The following RIGI variants were observed in gnomAD, a reference collection of about 807,000 sequenced individuals.
RIGI encodes antiviral innate immune response receptor RIG-I.
the RIGI span, among the ~76,000 whole-genome samples, chr9:32,471,671 T>C: frequency 3.3e-5 from 5 of 152,172 alleles, no homozygotes; most frequent in Non-Finnish European, 5.9e-5. Context: ...GCACAAGTTA[T>C]AAATAAATGT....
At chr9:32,467,127 T>G in the RIGI span, among the ~76,000 whole-genome samples, 1 of 152,042 alleles carries the variant, frequency 6.6e-6, no homozygotes, top group African/African-American at 2.4e-5. Flanking sequence ...ATCTGAGCAG[T>G]TCCGTCAACA....
the RIGI span, chr9:32,481,255 A>G: frequency 1.5e-6 from 2 of 1,365,750 alleles, no homozygotes; most frequent in East Asian, 2.3e-5. Flanking sequence ...GGACAGGATG[A>G]GAAGTTGATG....
chr9:32,467,674 C>G, the RIGI span: 22 of 1,328,152 alleles, frequency 1.7e-5, no homozygotes, highest in Non-Finnish European at 2.0e-5. Flanking sequence ...AACCATGGCT[C>G]AGTAAAGAGA....
chr9:32,477,538 G>A, the RIGI span, among the ~76,000 whole-genome samples: 1 of 152,068 alleles, frequency 6.6e-6, no homozygotes, highest in Non-Finnish European at 1.5e-5. Flanking sequence ...AATTAATAAG[G>A]GAGCTATGTA....
At chr9:32,462,806 C>T in the RIGI span, among the ~76,000 whole-genome samples, 2 of 152,222 alleles carry the variant, frequency 1.3e-5, no homozygotes, top group South Asian at 2.1e-4. Flanking sequence ...ATGTAGCTGG[C>T]GCAATAGGCG....
the RIGI span, among the ~76,000 whole-genome samples, chr9:32,486,181 G>C: frequency 6.6e-5 from 10 of 152,096 alleles, no homozygotes; most frequent in African/African-American, 9.7e-5. Context: ...GCCGGGTGTG[G>C]TGGCTCACAC....
the RIGI span, among the ~76,000 whole-genome samples, chr9:32,465,538 A>C: frequency 6.6e-6 from 1 of 152,168 alleles, no homozygotes; most frequent in Non-Finnish European, 1.5e-5. Context: ...CATACATCTC[A>C]TTTATCCTCA....
At chr9:32,474,728 G>A in the RIGI span, among the ~76,000 whole-genome samples, 12 of 152,084 alleles carry the variant, frequency 7.9e-5, no homozygotes, top group African/African-American at 2.9e-4. Flanking sequence ...ATCTTCAGCC[G>A]GAAACACCCA....
the RIGI span, chr9:32,491,507 T>A: frequency 1.9e-6 from 2 of 1,034,288 alleles, no homozygotes; most frequent in South Asian, 1.7e-5. Context: ...GTCATAACAC[T>A]AAGATTTTTA....
At chr9:32,457,456 C>T in the RIGI span, 35 of 1,487,698 alleles carry the variant, frequency 2.4e-5, no homozygotes, top group African/African-American at 3.1e-4. Flanking sequence ...CAAAAGAGAA[C>T]GTTAGAACCA....
At chr9:32,457,331 CAAAACTTG>C in the RIGI span, 2 of 1,613,998 alleles carry the variant, frequency 1.2e-6, no homozygotes. Flanking sequence ...GCTCTTTTTT[CAAAACTTG>C]AAAACTGCTT....
chr9:32,466,411 A>G, the RIGI span: 2 of 1,613,100 alleles, frequency 1.2e-6, no homozygotes, highest in Non-Finnish European at 1.7e-6. Flanking sequence ...AGTCAGAAGG[A>G]AGCACTTGCT....
chr9:32,461,005 A>G, the RIGI span, among the ~76,000 whole-genome samples: 6 of 151,474 alleles, frequency 4.0e-5, no homozygotes, highest in Middle Eastern at 3.4e-3. Flanking sequence ...TTATAATTAA[A>G]TTTATGAAAA....
the RIGI span, among the ~76,000 whole-genome samples, chr9:32,484,433 A>C: frequency 6.6e-6 from 1 of 152,172 alleles, no homozygotes; most frequent in Non-Finnish European, 1.5e-5. Context: ...TCAAAACTCA[A>C]AACCTTGTAC....
At chr9:32,479,626 C>T in the RIGI span, among the ~76,000 whole-genome samples, 1 of 152,000 alleles carries the variant, frequency 6.6e-6, no homozygotes, top group Non-Finnish European at 1.5e-5. Flanking sequence ...CACTTGAGGT[C>T]AGGAGTTTGA....
At chr9:32,470,485 C>A in the RIGI span, among the ~76,000 whole-genome samples, 24,436 of 152,164 alleles carry the variant, frequency 0.16, 2,223 homozygotes, top group African/African-American at 0.25. Flanking sequence ...ATTGCACAAA[C>A]CTTTCACATG....
At chr9:32,485,429 G>C in the RIGI span, 1 of 654,134 alleles carries the variant, frequency 1.5e-6, no homozygotes, top group Admixed American at 2.7e-5. Flanking sequence ...TAACTGGCAG[G>C]TGGTCCAGAT....
At chr9:32,458,869 C>T in the RIGI span, among the ~76,000 whole-genome samples, 4 of 150,568 alleles carry the variant, frequency 2.7e-5, no homozygotes, top group Non-Finnish European at 5.9e-5. Flanking sequence ...ATCCAGGACA[C>T]GTCATTGCAT....
the RIGI span, among the ~76,000 whole-genome samples, chr9:32,473,575 G>A: frequency 6.6e-5 from 10 of 151,908 alleles, no homozygotes; most frequent in East Asian, 3.9e-4. Context: ...ATGAGCCACC[G>A]CACCTGGCCA....
Sources: allele counts gnomAD v4.1 joint callset (sites outside exome capture counted in the v4.1 genomes callset), GRCh38; gene constraint gnomAD v4.1.1; transcripts MANE v1.5; gene names NCBI Gene and HGNC (gene_info 2026-07-23, HGNC 2026-07-21).